DDX59: variants seen among roughly 807,000 people sequenced by gnomAD.
DDX59 encodes DEAD-box helicase 59.
A neutral mutation model predicts 51.9 loss-of-function variants in DDX59; 30 were observed. That is an observed-to-expected ratio of 0.58 (90% CI 0.43 to 0.78). The LOEUF (loss-of-function observed/expected upper bound fraction) is 0.78. DDX59 is among the 30% of genes least tolerant of loss of function. The pLI is 0.00. For missense variants in DDX59, 672 were observed against 730.8 expected (o/e 0.92, Z 0.93); for synonymous variants, 255 against 253.3 (o/e 1.01, Z -0.06).
At chr1:200,645,014 T>C (rs1661211131) in intron 7 of DDX59, among the ~76,000 whole-genome samples, 2 of 151,594 alleles carry the variant, frequency 1.3e-5, no homozygotes, top group Admixed American at 1.3e-4. Context: ...TCCACCAGCA[T>C]ATTTTTAATG....
chr1:200,666,266 C>G lies in DDX59; in HGVS notation c.475G>C (p.Glu159Gln). 6.2e-7 allele frequency: 1 copy of G among 1,614,200 alleles called. No homozygotes were observed. Residue 159 changes from glutamate to glutamine, a missense_variant, in exon 2 of 8, where the codon GAG (glutamate) becomes CAG (glutamine). Physicochemically the swap from Glu to Gln is conservative, Grantham distance 29 (BLOSUM62 2). Coordinates refer to ENST00000331314, the MANE Select transcript of DDX59 (RefSeq NM_001031725.6). ...ACATAGGAAGCATTCAGTGGAGACT[C>G]TGGCTCAGAATCAGCCTTCTGTGGA... is the stretch of plus-strand genomic sequence containing the variant. ...SNPQKADSEP[E>Q]SPLNASYVYK...
rs776385212 is a variant in DDX59 at position 200,665,950 on chromosome 1, C to T, written c.791G>A (p.Arg264Gln). The change falls in exon 2 of 8, where the codon CGA becomes CAA. Residue 264 changes from arginine (R) to glutamine (Q), a missense_variant. Arg to Gln is a conservative substitution (Grantham distance 43). Transcript: ENST00000331314. ...TAAFLLPVIM[R>Q]ALFESKTPSA... ...ATTAACACTTACCTCGAATAAAGCT[C>T]GCATGATAACAGGAAGAAGAAAAGC... The T allele has an allele frequency of 8.1e-6, 13 of 1,605,268 alleles. No homozygotes were observed. Among genetic ancestry groups the T allele is most frequent in the African/African-American group, 6.7e-5 (5 of 74,530 alleles).
At chr1:200,659,250 G>A (rs1399399462) in intron 3 of DDX59, 134 bp from the exon 4 acceptor site, 2 of 636,682 alleles carry the variant, frequency 3.1e-6, no homozygotes, top group Non-Finnish European at 5.6e-6. Context: ...GAATAAGCCA[G>A]ACATAGTCTC....
At chr1:200,668,118 G>A (rs1454154741) in intron 1 of DDX59, among the ~76,000 whole-genome samples, 1 of 152,008 alleles carries the variant, frequency 6.6e-6, no homozygotes. Context: ...CTAACACGGT[G>A]AAACCCCGTC....
intron 1 of DDX59, among the ~76,000 whole-genome samples, chr1:200,668,866 C>T (rs982854734): frequency 6.6e-6 from 1 of 152,182 alleles, no homozygotes; most frequent in Non-Finnish European, 1.5e-5. Flanking sequence ...TTTATGGATC[C>T]CAGGTCTTTA....
intron 2 of DDX59, among the ~76,000 whole-genome samples, chr1:200,664,874 C>T (rs1013403408): frequency 6.6e-6 from 1 of 152,116 alleles, no homozygotes; most frequent in African/African-American, 2.4e-5. Context: ...GGGGTTTCTC[C>T]GTGTTGACCA....
chr1:200,669,595 T>A (rs1663030474), intron 1 of DDX59, 172 bp downstream of exon 1: 1 of 152,024 alleles, frequency 6.6e-6, no homozygotes, highest in African/African-American at 2.4e-5. Context: ...ACGGAGCTGC[T>A]AGGAGACGGG....
intron 3 of DDX59, among the ~76,000 whole-genome samples, chr1:200,660,708 T>C (rs1237641541): frequency 2.6e-5 from 4 of 152,182 alleles, no homozygotes; most frequent in African/African-American, 9.7e-5. Context: ...TGGTTTCTAA[T>C]AAATATAGAT....
Position 200,644,098 on chromosome 1 carries a change from AG to A in DDX59, c.*155del. 1 of 617,348 alleles carries A rather than the reference AG, an allele frequency of 1.6e-6. No individual in the cohort carries two copies. The highest frequency in any genetic ancestry group is 2.1e-6 in the Non-Finnish European group (1 of 469,258). 38.2% of individuals were successfully genotyped at this position (617,348 alleles called of 1,614,324 possible). ...CATTTTCTGATGTTTTTAATTTATA[AG>A]AATTAAGGGAAATAAATACAATATA... On this transcript the variant is annotated 3_prime_UTR_variant, in exon 8 of 8. Coordinates refer to ENST00000331314, the MANE Select transcript of DDX59 (RefSeq NM_001031725.6).
At chr1:200,644,550 G>C (rs1661174965) in intron 7 of DDX59, 33 bp from the exon 8 acceptor site, 2 of 1,534,822 alleles carry the variant, frequency 1.3e-6, no homozygotes, top group African/African-American at 1.4e-5. Context: ...TTTTCAAGAT[G>C]TCCATGTAAA....
rs1662795643 is a variant in DDX59 at position 200,666,805 on chromosome 1, A to C, written c.-11-54T>G. 3.9e-6 allele frequency: 6 copies of C among 1,522,746 alleles called. No homozygotes were observed. The Admixed American group carries it at 5.8e-5, about 15-fold the overall frequency. The allele number at this position is 1,522,746 out of a possible 1,614,324, so 94.3% of individuals were successfully genotyped here. A position where few individuals can be genotyped will look rare whatever the true frequency, so the allele number is the denominator to read the frequency against. On this transcript the variant is annotated intron_variant, in intron 1 of 7. Transcript: ENST00000331314. ...ATTGTACCATTAATAAAGTTCACAT[A>C]TAAAGTACCATATGATTAAGGACAA... is the stretch of plus-strand genomic sequence containing the variant.
intron 3 of DDX59, among the ~76,000 whole-genome samples, chr1:200,663,415 A>G (rs1375412641): frequency 1.3e-5 from 2 of 152,248 alleles, no homozygotes; most frequent in African/African-American, 4.8e-5. Context: ...CTATGGCCAT[A>G]CAGCTACCAA....
chr1:200,667,860 G>C (rs1055749068), intron 1 of DDX59, among the ~76,000 whole-genome samples: 3 of 151,644 alleles, frequency 2.0e-5, no homozygotes, highest in African/African-American at 7.3e-5. Flanking sequence ...ATATTACATA[G>C]AGTAATATAC....
intron 4 of DDX59, among the ~76,000 whole-genome samples, chr1:200,651,989 T>C (rs937955359): frequency 8.1e-5 from 10 of 123,684 alleles, no homozygotes; most frequent in East Asian, 2.3e-4. Context: ...GCCTGGGCTA[T>C]AGAGTGAGCC....
chr1:200,648,241 T>C (rs549239335), intron 7 of DDX59, among the ~76,000 whole-genome samples, 198 bp downstream of exon 7: 10 of 152,068 alleles, frequency 6.6e-5, no homozygotes, highest in Admixed American at 1.3e-4. Flanking sequence ...TTGGCCAGGT[T>C]GGTCTGTGAA....
chr1:200,655,372 CCT>C (rs34617216), intron 4 of DDX59, among the ~76,000 whole-genome samples: 48,114 of 151,924 alleles, frequency 0.32, 8,618 homozygotes, highest in Non-Finnish European at 0.42. Flanking sequence ...ACCCCTTACC[CCT>C]GTCTGGATTG....
At chr1:200,660,456 T>C (rs944561122) in intron 3 of DDX59, among the ~76,000 whole-genome samples, 5 of 152,108 alleles carry the variant, frequency 3.3e-5, no homozygotes, top group Non-Finnish European at 5.9e-5. Context: ...AAGGCGGCCC[T>C]GCATGGGGTG....
chr1:200,662,396 T>A (rs1212006367), intron 3 of DDX59, among the ~76,000 whole-genome samples: 1 of 152,184 alleles, frequency 6.6e-6, no homozygotes, highest in Non-Finnish European at 1.5e-5. Context: ...ATTGTTTTTT[T>A]AAAAAATGTG....
At position 200,644,175 on chromosome 1, in the gene DDX59, T is replaced by C. The variant is rs541975251; in HGVS notation, c.*79A>G. 3 of 1,125,198 alleles carry C rather than the reference T, an allele frequency of 2.7e-6. No homozygotes were observed. Among genetic ancestry groups the C allele is most frequent in the South Asian group, 4.0e-5 (1 of 24,736 alleles). The allele number at this position is 1,125,198 out of a possible 1,614,324, so 69.7% of individuals were successfully genotyped here. A position where few individuals can be genotyped will look rare whatever the true frequency, so the allele number is the denominator to read the frequency against. On this transcript the variant is annotated 3_prime_UTR_variant, in exon 8 of 8. Coordinates refer to ENST00000331314, the MANE Select transcript of DDX59 (RefSeq NM_001031725.6). ...AATATCTTAAAATTTTTAAAATTCATGTACATTTCCATTTATGCAAACCAT... is the reference window on the plus strand; with the variant it reads ...AATATCTTAAAATTTTTAAAATTCACGTACATTTCCATTTATGCAAACCAT...
Sources: allele counts gnomAD v4.1 joint callset (sites outside exome capture counted in the v4.1 genomes callset), GRCh38; gene constraint gnomAD v4.1.1; transcripts MANE v1.5; gene names NCBI Gene and HGNC (gene_info 2026-07-23, HGNC 2026-07-21).